RBM27: variants seen among roughly 807,000 people sequenced by gnomAD.
RBM27 encodes RNA binding motif protein 27.
A neutral mutation model predicts 135.3 loss-of-function variants in RBM27; 22 were observed. The ratio of observed to expected loss-of-function variants is 0.16; its 90% CI spans 0.12 to 0.23. RBM27 has a LOEUF of 0.23. Among genes scored for constraint, RBM27 ranks in the 10% least tolerant of loss-of-function variants. RBM27 has a pLI of 1.00. For missense variants in RBM27, 1,009 were observed against 1,281.0 expected (o/e 0.79, Z 3.24); for synonymous variants, 481 against 442.4 (o/e 1.09, Z -1.10).
At chr5:146,263,230 A>G (rs889175334) in intron 13 of RBM27, among the ~76,000 whole-genome samples, 7 of 152,206 alleles carry the variant, frequency 4.6e-5, no homozygotes, top group African/African-American at 9.6e-5. Flanking sequence ...AGGAAACATT[A>G]AAAAATAATT....
chr5:146,286,494 T>C lies in RBM27; in HGVS notation c.*464T>C, dbSNP rs1170035776. On this transcript the variant is annotated 3_prime_UTR_variant, in exon 21 of 21. Coordinates refer to ENST00000265271, the MANE Select transcript of RBM27 (RefSeq NM_018989.2). ...TAAAATACCCTTTTGCTTTCAAGAG[T>C]GGTCTTGGAAGAAAAATATGTTTAT... The C allele has an allele frequency of 6.6e-6, 1 of 151,988 alleles. No individual in the cohort carries two copies. The highest frequency in any genetic ancestry group is 6.6e-5 in the Admixed American group (1 of 15,238). 9.4% of individuals were successfully genotyped at this position (151,988 alleles called of 1,614,324 possible).
intron 19 of RBM27, among the ~76,000 whole-genome samples, chr5:146,275,420 A>G (rs1214381942): frequency 1.3e-5 from 2 of 151,452 alleles, no homozygotes; most frequent in East Asian, 3.9e-4. Context: ...ACAGGCGTAC[A>G]CCTCCTGGCT....
rs146004830 is a variant in RBM27 at position 146,267,726 on chromosome 5, G to T, written c.2409G>T (p.Gly803=). 5.8e-4 allele frequency: 930 copies of T among 1,609,026 alleles called. 6 individuals carry two copies. In the African/African-American group the frequency reaches 0.011, roughly 20 times the overall value. Residue 803 remains glycine (G), a synonymous_variant, in exon 15 of 21, where the codon GGG becomes GGT. Coordinates refer to ENST00000265271, the MANE Select transcript of RBM27 (RefSeq NM_018989.2). ...NLKTPSKLCS[G]SKSHDVQEVL... is the part of the protein sequence containing the mutation. ...AGACACCTTCAAAGCTCTGTTCAGG[G>T]TCTAAATCTCATGATGTTCAAGAAG...
intron 11 of RBM27, among the ~76,000 whole-genome samples, chr5:146,259,368 G>A (rs1330745711): frequency 6.6e-6 from 1 of 151,872 alleles, no homozygotes; most frequent in African/African-American, 2.4e-5. Context: ...GCCAGGTGTG[G>A]TGGCACGCGC....
intron 9 of RBM27, among the ~76,000 whole-genome samples, chr5:146,254,444 T>C (rs1174567694): frequency 2.0e-5 from 3 of 148,850 alleles, no homozygotes; most frequent in African/African-American, 4.9e-5. Context: ...TTTTTTTTTT[T>C]CAGTTTCAAA....
At chr5:146,237,616 G>A (rs1757225885) in intron 8 of RBM27, among the ~76,000 whole-genome samples, 184 bp downstream of exon 8, 1 of 152,202 alleles carries the variant, frequency 6.6e-6, no homozygotes, top group Non-Finnish European at 1.5e-5. Flanking sequence ...AATTTTGTGT[G>A]ATATGGGAGA....
intron 1 of RBM27, among the ~76,000 whole-genome samples, chr5:146,207,951 G>GTTTTTT (rs11401604): frequency 1.8e-4 from 15 of 81,214 alleles, no homozygotes; most frequent in Admixed American, 6.1e-4. Context: ...GGCCTAACAG[G>GTTTTTT]TTTTTTTTTT....
intron 7 of RBM27, 100 bp downstream of exon 7, chr5:146,233,843 A>C: frequency 1.3e-6 from 1 of 796,358 alleles, no homozygotes; most frequent in Admixed American, 3.6e-5. Context: ...TGAGAAATAG[A>C]GTAATAATAT....
intron 6 of RBM27, among the ~76,000 whole-genome samples, chr5:146,232,061 T>G (rs1409569630): frequency 6.6e-6 from 1 of 152,226 alleles, no homozygotes; most frequent in Admixed American, 6.5e-5. Flanking sequence ...ATTTATATAT[T>G]CATAAAAGCT....
intron 1 of RBM27, among the ~76,000 whole-genome samples, chr5:146,216,586 G>A (rs1030561960): frequency 3.3e-5 from 5 of 152,064 alleles, no homozygotes; most frequent in Non-Finnish European, 7.4e-5. Flanking sequence ...TTAACAGTTG[G>A]CCTTACTAAG....
intron 2 of RBM27, among the ~76,000 whole-genome samples, chr5:146,221,230 T>C (rs1431979488): frequency 1.3e-5 from 2 of 151,776 alleles, no homozygotes. Flanking sequence ...AACTATACAC[T>C]ACATTTTTAA....
chr5:146,246,163 A>G (rs902252943), intron 8 of RBM27, among the ~76,000 whole-genome samples: 4 of 152,198 alleles, frequency 2.6e-5, no homozygotes, highest in Non-Finnish European at 5.9e-5. Context: ...AAGAAGACAC[A>G]TAAATATGGC....
In RBM27 at chr5:146,263,536, G is replaced by T. The variant is rs1462368302; in HGVS notation, c.2236G>T (p.Val746Phe). The stretch of plus-strand genomic sequence containing the variant: ...ATCAGGTGCATATGTTCTTAACAAA[G>T]TTCCTGTTAAACATCGTCTTGGACA... ...QTSGAYVLNK[V>F]PVKHRLGHAG... The change falls in exon 14 of 21, where the codon GTT becomes TTT. Residue 746 changes from valine (V) to phenylalanine (F), a missense_variant. By Grantham distance (50) the Val-to-Phe change is conservative. This residue lies in a region of RBM27 where 355 missense variants were observed against 427.3 expected (regional missense o/e 0.83). Transcript: ENST00000265271. 6.2e-7 allele frequency: 1 copy of T among 1,614,140 alleles called. No homozygotes were observed. The highest frequency in any genetic ancestry group is 2.2e-5 in the East Asian group (1 of 44,870).
chr5:146,254,424 T>C (rs543612148), intron 9 of RBM27, among the ~76,000 whole-genome samples: 4 of 147,664 alleles, frequency 2.7e-5, no homozygotes, highest in African/African-American at 4.9e-5. Context: ...TATTCTGTAA[T>C]AGGAGCATTT....
intron 8 of RBM27, among the ~76,000 whole-genome samples, chr5:146,250,770 C>CTTTTTTTTTTTTTTTTTTTT (rs58027855): frequency 2.2e-4 from 16 of 72,650 alleles, no homozygotes; most frequent in African/African-American, 5.5e-4. Flanking sequence ...TTTTTTTGTC[C>CTTTTTTTTTTTTTTTTTTTT]TTTTTTTTTT....
At position 146,258,949 on chromosome 5, in the gene RBM27, T is replaced by C. The variant is rs1758242434; in HGVS notation, c.1739+356T>C. 2.0e-5 allele frequency among the ~76,000 whole-genome samples: 3 copies of C among 151,894 alleles called. No homozygotes were observed. In the South Asian group the frequency reaches 6.2e-4, roughly 32 times the overall value. ...GATTTTCTTGTATTTTTAGCGGAGATGGGGTTTCACCTTGTTAGTCAGGCT... is the reference window on the plus strand; with the variant it reads ...GATTTTCTTGTATTTTTAGCGGAGACGGGGTTTCACCTTGTTAGTCAGGCT... On this transcript the variant is annotated intron_variant, in intron 11 of 20. Coordinates refer to ENST00000265271, the MANE Select transcript of RBM27 (RefSeq NM_018989.2).
At chr5:146,228,551 G>A (rs925871772) in intron 3 of RBM27, among the ~76,000 whole-genome samples, 1 of 151,058 alleles carries the variant, frequency 6.6e-6, no homozygotes, top group Non-Finnish European at 1.5e-5. Context: ...CAAAGTGCTG[G>A]GATTATAGGT....
intron 5 of RBM27, among the ~76,000 whole-genome samples, chr5:146,230,339 T>C (rs1756874599): frequency 6.6e-6 from 1 of 152,222 alleles, no homozygotes; most frequent in Non-Finnish European, 1.5e-5. Context: ...ACTCATCTTC[T>C]GAGATACAAG....
At chr5:146,234,733 A>G (rs1458149080) in intron 7 of RBM27, among the ~76,000 whole-genome samples, 1 of 152,078 alleles carries the variant, frequency 6.6e-6, no homozygotes, top group African/African-American at 2.4e-5. Flanking sequence ...GACTTTTAAC[A>G]TTAAAAGATG....
Sources: allele counts gnomAD v4.1 joint callset (sites outside exome capture counted in the v4.1 genomes callset), GRCh38; gene constraint gnomAD v4.1.1; regional missense constraint gnomAD v4.1.1; transcripts MANE v1.5; gene names NCBI Gene and HGNC (gene_info 2026-07-23, HGNC 2026-07-21).